Variants in TMEM38A observed in about 807,000 individuals in gnomAD.
TMEM38A encodes the protein trimeric intracellular cation channel type A.
A neutral mutation model predicts 28.6 loss-of-function variants in TMEM38A; 17 were observed. The observed-to-expected ratio is 0.60, with a 90% CI of 0.41 to 0.89. The LOEUF (loss-of-function observed/expected upper bound fraction) is 0.89, where lower values mean the gene tolerates loss of function less well. Ranked by LOEUF, TMEM38A falls within the 40% of genes least tolerant of loss-of-function variation. The pLI is 0.00. For synonymous variants in TMEM38A, 169 were observed against 166.1 expected, an observed-to-expected ratio of 1.02 and a Z score of -0.14; for missense variants, 328 against 393.1, an observed-to-expected ratio of 0.83 and a Z score of 1.40.
chr19:16,671,400 A>G (rs2086727079), intron 1 of TMEM38A, among the ~76,000 whole-genome samples: 1 of 151,888 alleles, frequency 6.6e-6, no homozygotes, highest in African/African-American at 2.4e-5. Context: ...ACGGGGTTTC[A>G]CCATGTTGGC....
chr19:16,680,381 G>A lies in TMEM38A; in HGVS notation c.282-16G>A, dbSNP rs767917000. ...GTCTGCCCATCCCCTGGCACTCACTGTTCTCTCCCCAAAAGGTACTTGATT... is the reference window on the plus strand; with the variant it reads ...GTCTGCCCATCCCCTGGCACTCACTATTCTCTCCCCAAAAGGTACTTGATT... On this transcript the variant is annotated splice_polypyrimidine_tract_variant and intron_variant, in intron 2 of 5. Transcript: ENST00000187762. 6.2e-7 allele frequency: 1 copy of A among 1,613,524 alleles called. No homozygotes were observed.
intron 1 of TMEM38A, among the ~76,000 whole-genome samples, chr19:16,671,606 C>A (rs2086727922): frequency 6.6e-6 from 1 of 151,816 alleles, no homozygotes. Flanking sequence ...GAGCCAGAAG[C>A]TAGGCATGTG....
chr19:16,688,293 G>C lies in TMEM38A; in HGVS notation c.822G>C (p.Gln274His), dbSNP rs539835284. The C allele has an allele frequency of 3.7e-6, 6 of 1,609,150 alleles. No homozygotes were observed. The South Asian group carries it at 6.6e-5, about 18-fold the overall frequency. Reference sequence around the variant, plus strand: ...ACAGCGGTGGTGGGCCAGGAGCTCAGCATTCGGCCATGCCCGCCAAGTCCA... The same window carrying C: ...ACAGCGGTGGTGGGCCAGGAGCTCACCATTCGGCCATGCCCGCCAAGTCCA... Reference protein sequence around the residue: ...GSHSGGGPGAQHSAMPAKSKE... With the variant: ...GSHSGGGPGAHHSAMPAKSKE... Residue 274 changes from glutamine (Q) to histidine (H), a missense_variant, in exon 6 of 6, where the codon CAG (glutamine) becomes CAC (histidine). By Grantham distance (24) the Gln-to-His change is conservative (BLOSUM62 0). Coordinates refer to ENST00000187762, the MANE Select transcript of TMEM38A (RefSeq NM_024074.4).
At chr19:16,687,538 A>G (rs2086806772) in intron 5 of TMEM38A, among the ~76,000 whole-genome samples, 1 of 152,164 alleles carries the variant, frequency 6.6e-6, no homozygotes, top group African/African-American at 2.4e-5. Context: ...AGGAAAAGGA[A>G]GAAATGTATT....
At chr19:16,683,592 C>CAAAAAAA (rs558424228) in intron 4 of TMEM38A, among the ~76,000 whole-genome samples, 4 of 80,966 alleles carry the variant, frequency 4.9e-5, no homozygotes, top group Admixed American at 2.9e-4. Context: ...GACCTTGTCT[C>CAAAAAAA]AAAAAAAAAA....
intron 1 of TMEM38A, among the ~76,000 whole-genome samples, chr19:16,663,281 GAA>G (rs1004763350): frequency 1.4e-5 from 2 of 141,470 alleles, no homozygotes; most frequent in Non-Finnish European, 3.1e-5. Context: ...ACTCTGTCTC[GAA>G]AAAAAAAAAA....
chr19:16,683,921 G>A (rs1376347558), intron 4 of TMEM38A, among the ~76,000 whole-genome samples: 1 of 151,346 alleles, frequency 6.6e-6, no homozygotes, highest in Non-Finnish European at 1.5e-5. Flanking sequence ...AGTGAGCCGA[G>A]ATCACGCTAT....
At chr19:16,667,907 TCA>T (rs930374323) in intron 1 of TMEM38A, among the ~76,000 whole-genome samples, 1 of 146,990 alleles carries the variant, frequency 6.8e-6, no homozygotes, top group Non-Finnish European at 1.5e-5. Flanking sequence ...CACCCCTCTT[TCA>T]TTTAAATCAG....
intron 5 of TMEM38A, among the ~76,000 whole-genome samples, chr19:16,687,774 T>C (rs1247390032): frequency 6.6e-6 from 1 of 152,158 alleles, no homozygotes; most frequent in Non-Finnish European, 1.5e-5. Context: ...TACCTCCTAA[T>C]ACCATCACCT....
rs928858690 is a variant in TMEM38A, at chr19:16,682,114, C to T, written c.467-307C>T. On this transcript the variant is annotated intron_variant, in intron 3 of 5. Transcript: ENST00000187762. ...GGGGCTGCCTTGGAAGCCTCATACA[C>T]AGCTTGGGGTCCTGGATTAGGGGCA... 3.3e-5 allele frequency among the ~76,000 whole-genome samples: 5 copies of T among 152,184 alleles called. No individual in the cohort carries two copies. The Middle Eastern group carries it at 0.014, about 414-fold the overall frequency.
intron 5 of TMEM38A, among the ~76,000 whole-genome samples, chr19:16,687,659 G>C (rs1280528901): frequency 6.6e-6 from 1 of 152,152 alleles, no homozygotes; most frequent in Admixed American, 6.6e-5. Context: ...CTGTGTCCTC[G>C]CATGGTGGAA....
At chr19:16,671,201 C>CTTTTTTTTT (rs34550977) in intron 1 of TMEM38A, among the ~76,000 whole-genome samples, 903 of 84,826 alleles carry the variant, frequency 0.011, 109 homozygotes, top group African/African-American at 0.055. Context: ...AGGACCTGGG[C>CTTTTTTTTT]TTTTTTTTTT....
chr19:16,683,512 G>C (rs2086789686), intron 4 of TMEM38A, among the ~76,000 whole-genome samples: 2 of 150,064 alleles, frequency 1.3e-5, no homozygotes, highest in Non-Finnish European at 2.9e-5. Flanking sequence ...AGGATTACTT[G>C]AGCCCAGGAA....
chr19:16,680,179 G>C (rs2086775517), intron 2 of TMEM38A, 39 bp downstream of exon 2: 1 of 1,594,416 alleles, frequency 6.3e-7, no homozygotes, highest in Non-Finnish European at 8.5e-7. Flanking sequence ...AGCCGGGTGG[G>C]GGAAACAACA....
Position 16,688,780 on chromosome 19 carries a change from G to T in TMEM38A, c.*409G>T, listed in dbSNP as rs1453466270. The T allele has an allele frequency of 6.5e-6, 1 of 153,430 alleles. No individual in the cohort carries two copies. Among genetic ancestry groups the T allele is most frequent in the Non-Finnish European group, 1.5e-5 (1 of 68,916 alleles). 9.5% of individuals were successfully genotyped at this position (153,430 alleles called of 1,614,324 possible). On this transcript the variant is annotated 3_prime_UTR_variant, in exon 6 of 6. Transcript: ENST00000187762. ...GGCCGAGGCGGGCAGATCACCTGAG[G>T]TCAGGAGTTCAAGACCAGCTTGGCC... is the stretch of plus-strand genomic sequence containing the variant.
At position 16,668,497 on chromosome 19, in the gene TMEM38A, T is replaced by C. The variant is rs1264401881; in HGVS notation, c.124+7156T>C. Among the ~76,000 whole-genome samples, 13 of 142,510 alleles carry C rather than the reference T, an allele frequency of 9.1e-5. No individual in the cohort carries two copies. The South Asian group carries it at 1.3e-3, about 15-fold the overall frequency. The allele number at this position is 142,510 out of a possible 152,430, so 93.5% of individuals were successfully genotyped here. A position where few individuals can be genotyped will look rare whatever the true frequency, so the allele number is the denominator to read the frequency against. ...GGGGAGGCGGAGGTTGCAGTGACTC[T>C]GTCTCAAAAAAAAAAAAAAAAAAAA... On this transcript the variant is annotated intron_variant, in intron 1 of 5. Coordinates refer to ENST00000187762, the MANE Select transcript of TMEM38A (RefSeq NM_024074.4).
chr19:16,678,635 C>T (rs1049236010), intron 1 of TMEM38A, among the ~76,000 whole-genome samples: 11 of 150,342 alleles, frequency 7.3e-5, no homozygotes, highest in Admixed American at 5.3e-4. Context: ...TGGTGGCGCG[C>T]GTGCCTGTAG....
At chr19:16,681,355 G>C (rs1017184318) in intron 3 of TMEM38A, among the ~76,000 whole-genome samples, 13 of 152,112 alleles carry the variant, frequency 8.5e-5, no homozygotes, top group African/African-American at 3.1e-4. Flanking sequence ...GTTTTATAAT[G>C]ATAAAAGGGT....
At chr19:16,662,740 C>G (rs532900566) in intron 1 of TMEM38A, among the ~76,000 whole-genome samples, 9 of 152,066 alleles carry the variant, frequency 5.9e-5, no homozygotes, top group Middle Eastern at 3.4e-3. Flanking sequence ...ACGTGAGCCA[C>G]TGCACCCAGC....
Sources: allele counts gnomAD v4.1 joint callset (sites outside exome capture counted in the v4.1 genomes callset), GRCh38; gene constraint gnomAD v4.1.1; transcripts MANE v1.5; gene names NCBI Gene and HGNC (gene_info 2026-07-23, HGNC 2026-07-21).